The following COXFA4L2 variants were observed in gnomAD, a reference collection of about 807,000 sequenced individuals.
COXFA4L2 encodes NADH dehydrogenase (ubiquinone) 1 alpha subcomplex, 4-like 2.
chr12:57,235,268 C>T, the COXFA4L2 span: 1 of 533,822 alleles, frequency 1.9e-6, no homozygotes, highest in Non-Finnish European at 3.4e-6. Context: ...CCCTTCGAGG[C>T]CCGGGTAGGA....
the COXFA4L2 span, chr12:57,235,679 A>C: frequency 4.0e-5 from 64 of 1,612,856 alleles, no homozygotes; most frequent in Admixed American, 6.7e-5. Context: ...TGCTTCTAGT[A>C]CGGGAGTTGT....
At chr12:57,235,136 C>T in the COXFA4L2 span, 112 of 202,248 alleles carry the variant, frequency 5.5e-4, no homozygotes, top group Non-Finnish European at 7.7e-4. Flanking sequence ...TGAGCAGCGC[C>T]GCCCCTGGGC....
At chr12:57,237,419 G>T in the COXFA4L2 span, 5 of 1,175,456 alleles carry the variant, frequency 4.3e-6, no homozygotes, top group East Asian at 7.4e-5. Context: ...TAAGATGTGG[G>T]AGGAGGCATG....
chr12:57,236,666 C>A, the COXFA4L2 span: 2 of 1,569,916 alleles, frequency 1.3e-6, no homozygotes, highest in East Asian at 2.3e-5. Flanking sequence ...CAGATTAAGC[C>A]GATCATCGGG....
the COXFA4L2 span, chr12:57,239,989 A>C: frequency 6.6e-6 from 1 of 152,128 alleles, no homozygotes; most frequent in Non-Finnish European, 1.5e-5. This position sits in a 1 kb window ranked among gnomAD's most constrained non-coding sequence, Gnocchi z 5.5. Flanking sequence ...CGGGGTCCTC[A>C]TCCTGGTCAC....
chr12:57,239,236 G>T, the COXFA4L2 span, among the ~76,000 whole-genome samples: 2 of 152,256 alleles, frequency 1.3e-5, no homozygotes, highest in African/African-American at 2.4e-5. This position sits in a 1 kb window ranked among gnomAD's most constrained non-coding sequence, Gnocchi z 5.5. Flanking sequence ...CCTGGAGGCC[G>T]AGCGGCCCCC....
At chr12:57,235,735 C>T in the COXFA4L2 span, 13 of 1,605,722 alleles carry the variant, frequency 8.1e-6, no homozygotes, top group Non-Finnish European at 1.0e-5. Flanking sequence ...AACCCTAGAG[C>T]CATCGAGAGG....
At chr12:57,237,201 G>A in the COXFA4L2 span, 1 of 1,586,140 alleles carries the variant, frequency 6.3e-7, no homozygotes, top group African/African-American at 1.3e-5. Context: ...GCTTGGCCCA[G>A]CCCGTGCTTC....
At chr12:57,235,444 G>A in the COXFA4L2 span, 1 of 1,118,722 alleles carries the variant, frequency 8.9e-7, no homozygotes, top group South Asian at 1.3e-5. Flanking sequence ...AACCCGGCCT[G>A]TGTAAGCAGT....
chr12:57,235,880 C>T, the COXFA4L2 span: 6 of 1,395,646 alleles, frequency 4.3e-6, no homozygotes, highest in Non-Finnish European at 2.9e-6. Context: ...CAATTTGACC[C>T]CCAAGCTCCA....
chr12:57,237,275 G>C, the COXFA4L2 span: 1 of 1,443,550 alleles, frequency 6.9e-7, no homozygotes, highest in South Asian at 1.5e-5. Flanking sequence ...AAGCCTGTAG[G>C]GGAATTGTCT....
the COXFA4L2 span, chr12:57,236,514 G>A: frequency 8.1e-7 from 1 of 1,235,996 alleles, no homozygotes; most frequent in Non-Finnish European, 1.1e-6. Flanking sequence ...CAGGGCACGG[G>A]ATCCCCACTA....
chr12:57,235,164 G>A, the COXFA4L2 span: 476 of 232,786 alleles, frequency 2.0e-3, 13 homozygotes, highest in South Asian at 0.031. Flanking sequence ...CAGAGCCTGG[G>A]CTAACGTGGA....
chr12:57,236,601 G>A, the COXFA4L2 span: 160 of 1,581,104 alleles, frequency 1.0e-4, no homozygotes, highest in African/African-American at 1.8e-3. Context: ...ACCAGACGTC[G>A]GGGCTGCGAA....
the COXFA4L2 span, among the ~76,000 whole-genome samples, chr12:57,238,175 G>A: frequency 6.6e-6 from 1 of 152,118 alleles, no homozygotes; most frequent in African/African-American, 2.4e-5. The surrounding 1 kb of genome is among the most constrained non-coding windows in gnomAD (Gnocchi z 6.8). Context: ...GCGGGCGGGA[G>A]CGAGCTATGC....
the COXFA4L2 span, chr12:57,235,320 G>C: frequency 3.4e-6 from 2 of 591,762 alleles, no homozygotes; most frequent in Non-Finnish European, 6.0e-6. Flanking sequence ...ACCCCTGCTG[G>C]TGCTGCCTGC....
the COXFA4L2 span, chr12:57,235,429 G>T: frequency 1.0e-6 from 1 of 967,344 alleles, no homozygotes; most frequent in Non-Finnish European, 1.6e-6. Flanking sequence ...TCCCCTCTGC[G>T]TGGGAACCCG....
chr12:57,236,149 T>G, the COXFA4L2 span: 1 of 339,690 alleles, frequency 2.9e-6, no homozygotes, highest in Admixed American at 4.5e-5. Flanking sequence ...GGGTTTCTGG[T>G]GATGTGCCGG....
chr12:57,236,972 G>A, the COXFA4L2 span: 1 of 1,607,448 alleles, frequency 6.2e-7, no homozygotes, highest in Non-Finnish European at 8.5e-7. Flanking sequence ...GGGGGATTTG[G>A]AGGGTGGGGC....
Sources: gnomAD v4.1 joint callset for allele counts (sites outside exome capture counted in the v4.1 genomes callset) on GRCh38, gnomAD v4.1.1 for gene constraint, Gnocchi (gnomAD v3.1) non-coding constraint, MANE v1.5 for transcripts, NCBI Gene and HGNC (gene_info 2026-07-23, HGNC 2026-07-21) for gene names.